Variants in PREX2 observed in about 807,000 individuals in gnomAD.
The protein encoded by PREX2 is phosphatidylinositol-3,4,5-trisphosphate dependent Rac exchange factor 2.
Under a neutral mutation model 203.2 loss-of-function variants are expected in PREX2, and 107 were observed. The ratio of observed to expected loss-of-function variants is 0.53; its 90% confidence interval spans 0.45 to 0.62. The LOEUF (loss-of-function observed/expected upper bound fraction) is 0.62. Among genes scored for constraint, PREX2 ranks in the 20% least tolerant of loss-of-function variants. The pLI is 0.00. For synonymous variants in PREX2, 672 were observed against 663.6 expected, an observed-to-expected ratio of 1.01 and a Z score of -0.19; for missense variants, 1,777 against 1,955.9, an observed-to-expected ratio of 0.91 and a Z score of 1.72.
In PREX2 at chr8:68,198,300, T is replaced by C. The variant is rs530983565; in HGVS notation, c.4604+5775T>C. Among the ~76,000 whole-genome samples, 27 of 152,354 alleles carry C rather than the reference T, an allele frequency of 1.8e-4. No individual in the cohort carries two copies. In the South Asian group the frequency reaches 5.6e-3, roughly 32 times the overall value. Reference sequence around the variant, plus strand: ...GTATTTAATATCTTTTGAATTTGTTTCTCTACTAAGACTTGTGCTATTTAT... The same window carrying C: ...GTATTTAATATCTTTTGAATTTGTTCCTCTACTAAGACTTGTGCTATTTAT... On this transcript the variant is annotated intron_variant, in intron 37 of 39. Coordinates refer to ENST00000288368, the MANE Select transcript of PREX2 (RefSeq NM_024870.4).
chr8:68,230,928 A>G (rs1813154814), intron 39 of PREX2, among the ~76,000 whole-genome samples: 1 of 152,196 alleles, frequency 6.6e-6, no homozygotes, highest in Admixed American at 6.5e-5. Context: ...GAAAATCAGT[A>G]GACCCCTATG....
At chr8:68,195,343 G>A (rs1294289240) in intron 37 of PREX2, among the ~76,000 whole-genome samples, 2 of 152,150 alleles carry the variant, frequency 1.3e-5, no homozygotes, top group African/African-American at 4.8e-5. Flanking sequence ...TATAGCTTTA[G>A]TTAATTCACT....
At chr8:68,003,389 C>T (rs906535554) in intron 1 of PREX2, among the ~76,000 whole-genome samples, 6 of 152,058 alleles carry the variant, frequency 3.9e-5, no homozygotes, top group East Asian at 1.9e-4. Flanking sequence ...ATATCTCAGA[C>T]GGCAAAAGAT....
At chr8:68,169,865 T>A (rs1437369838) in intron 35 of PREX2, among the ~76,000 whole-genome samples, 3 of 152,144 alleles carry the variant, frequency 2.0e-5, no homozygotes, top group Non-Finnish European at 4.4e-5. Context: ...CAGGAGATCT[T>A]CATTCTTGTG....
chr8:68,150,870 C>G (rs572995668), intron 34 of PREX2, among the ~76,000 whole-genome samples: 15 of 152,290 alleles, frequency 9.8e-5, no homozygotes, highest in African/African-American at 3.4e-4. Flanking sequence ...AGGATGTTGT[C>G]AGGCCATGCC....
intron 37 of PREX2, among the ~76,000 whole-genome samples, chr8:68,210,620 G>A (rs555442757): frequency 6.6e-5 from 10 of 152,310 alleles, no homozygotes; most frequent in Non-Finnish European, 1.5e-4. Flanking sequence ...ATCTCCCCAA[G>A]TGCTCAATAA....
chr8:68,139,916 T>C (rs1208205703), intron 33 of PREX2, among the ~76,000 whole-genome samples: 1 of 152,190 alleles, frequency 6.6e-6, no homozygotes, highest in East Asian at 1.9e-4. Context: ...GGATATATTT[T>C]CATTTACTTG....
At chr8:68,126,907 C>T (rs1047928137) in intron 30 of PREX2, among the ~76,000 whole-genome samples, 9 of 150,022 alleles carry the variant, frequency 6.0e-5, no homozygotes, top group African/African-American at 1.5e-4. Context: ...TACATATATA[C>T]GTGTGTGTGT....
At chr8:68,084,069 G>A (rs891882002) in intron 18 of PREX2, among the ~76,000 whole-genome samples, 2 of 152,072 alleles carry the variant, frequency 1.3e-5, no homozygotes, top group Non-Finnish European at 1.5e-5. Context: ...ATGAGAGCAT[G>A]CTCTGTATGC....
At chr8:68,098,466 A>G (rs906232299) in intron 22 of PREX2, among the ~76,000 whole-genome samples, 4 of 152,090 alleles carry the variant, frequency 2.6e-5, no homozygotes, top group Admixed American at 2.0e-4. Flanking sequence ...GTACCTCTCT[A>G]TATATCTACT....
intron 37 of PREX2, among the ~76,000 whole-genome samples, chr8:68,195,935 A>G (rs527348878): frequency 6.6e-6 from 1 of 152,360 alleles, no homozygotes; most frequent in African/African-American, 2.4e-5. Context: ...GGCAGATTTA[A>G]TTAACATTAA....
chr8:68,155,117 G>A (rs4582543), intron 34 of PREX2, among the ~76,000 whole-genome samples: 44,111 of 151,584 alleles, frequency 0.29, 6,752 homozygotes, highest in East Asian at 0.5. Context: ...TCTTTTGCAG[G>A]TCTAGTCTTA....
At chr8:68,081,219 A>G (rs552469147) in intron 17 of PREX2, among the ~76,000 whole-genome samples, 169 of 152,272 alleles carry the variant, frequency 1.1e-3, no homozygotes, top group African/African-American at 4.0e-3. Flanking sequence ...GGTATGGTCA[A>G]CATAGATCCC....
chr8:68,134,144 G>A lies in PREX2; in HGVS notation c.3852G>A (p.Ala1284=), dbSNP rs150877619. Reference sequence around the variant, plus strand: ...GTGCCTTCTCTGAGCAGCTCATGGCGGCCTTGAACCAGATGTTTGACAACA... The same window carrying A: ...GTGCCTTCTCTGAGCAGCTCATGGCAGCCTTGAACCAGATGTTTGACAACA... The part of the protein sequence containing the change: ...TVCAFSEQLM[A]ALNQMFDNSK... The change falls in exon 32 of 40, where the codon GCG becomes GCA. Residue 1284 remains alanine (A), a synonymous_variant. Coordinates refer to ENST00000288368, the MANE Select transcript of PREX2 (RefSeq NM_024870.4). 57 of 1,613,964 alleles carry A rather than the reference G, an allele frequency of 3.5e-5. No individual in the cohort carries two copies. The highest frequency in any genetic ancestry group is 2.0e-4 in the African/African-American group (15 of 74,902).
intron 1 of PREX2, among the ~76,000 whole-genome samples, chr8:67,972,887 C>T (rs1332831681): frequency 1.3e-5 from 2 of 152,182 alleles, no homozygotes; most frequent in South Asian, 2.1e-4. Flanking sequence ...TTGTATGTCT[C>T]ACTTTTGCCT....
At chr8:68,132,775 A>G (rs1811033686) in intron 31 of PREX2, among the ~76,000 whole-genome samples, 1 of 152,110 alleles carries the variant, frequency 6.6e-6, no homozygotes, top group Non-Finnish European at 1.5e-5. Context: ...CACATTTGAG[A>G]GGAGGTTATT....
intron 38 of PREX2, 139 bp from the exon 39 acceptor site, chr8:68,224,420 G>T: frequency 3.0e-6 from 2 of 668,272 alleles, no homozygotes; most frequent in South Asian, 1.8e-5. Flanking sequence ...CTCAGACAGC[G>T]ATGTCTGTCT....
chr8:68,029,659 A>G (rs370691785), intron 5 of PREX2, among the ~76,000 whole-genome samples: 2 of 152,198 alleles, frequency 1.3e-5, no homozygotes, highest in South Asian at 2.1e-4. Context: ...TAGTTACGTG[A>G]TGATGGCAAC....
chr8:68,157,751 C>G (rs1457214557), intron 35 of PREX2, among the ~76,000 whole-genome samples: 5 of 151,890 alleles, frequency 3.3e-5, no homozygotes, highest in African/African-American at 1.2e-4. Flanking sequence ...GTGGTGTCCC[C>G]TATAAGATTT....
Sources: gnomAD v4.1 joint callset for allele counts (sites outside exome capture counted in the v4.1 genomes callset) on GRCh38, gnomAD v4.1.1 for gene constraint, MANE v1.5 for transcripts, NCBI Gene and HGNC (gene_info 2026-07-23, HGNC 2026-07-21) for gene names.